VEZT: variants seen among roughly 807,000 people sequenced by gnomAD.
The protein encoded by VEZT is vezatin, adherens junctions transmembrane protein.
VEZT carries 39 observed loss-of-function variants against 79.9 expected under a neutral mutation model. The observed-to-expected ratio is 0.49, with a 90% confidence interval of 0.38 to 0.64. VEZT has a LOEUF of 0.64. Among genes scored for constraint, VEZT ranks in the 30% least tolerant of loss-of-function variants. The probability of loss-of-function intolerance (pLI) is 0.00; values close to 1 mark genes in which losing one functional copy is unlikely to be tolerated. For missense variants in VEZT, 837 were observed against 893.1 expected (o/e 0.94, Z 0.80); for synonymous variants, 325 against 327.6 (o/e 0.99, Z 0.09).
intron 1 of VEZT, among the ~76,000 whole-genome samples, chr12:95,222,605 C>T (rs2057791338): frequency 6.6e-6 from 1 of 152,104 alleles, no homozygotes; most frequent in African/African-American, 2.4e-5. Flanking sequence ...TATTTTTCTT[C>T]AGGATTGCCT....
chr12:95,227,179 T>A (rs542754249), intron 1 of VEZT, among the ~76,000 whole-genome samples: 1 of 152,302 alleles, frequency 6.6e-6, no homozygotes, highest in South Asian at 2.1e-4. Context: ...TAACTGTTTT[T>A]TAGACAGGGT....
intron 9 of VEZT, among the ~76,000 whole-genome samples, chr12:95,292,085 C>A (rs1594178491): frequency 6.6e-6 from 1 of 152,176 alleles, no homozygotes; most frequent in Non-Finnish European, 1.5e-5. Context: ...CAGGCTTGAG[C>A]CACCACATCC....
At chr12:95,248,540 C>T (rs117043937) in intron 1 of VEZT, among the ~76,000 whole-genome samples, 3,493 of 152,078 alleles carry the variant, frequency 0.023, 71 homozygotes, top group Non-Finnish European at 0.035. Context: ...AAGGAAAGGA[C>T]GTTGGGGTCA....
At chr12:95,266,009 T>G (rs1276279455) in intron 4 of VEZT, among the ~76,000 whole-genome samples, 2 of 152,178 alleles carry the variant, frequency 1.3e-5, no homozygotes, top group Non-Finnish European at 2.9e-5. Flanking sequence ...GTAGGAAATG[T>G]AGAGGCCTTT....
chr12:95,287,747 T>C lies in VEZT; in HGVS notation c.1412T>C (p.Leu471Pro). ...CTAGTGTCAGAGGCTTATCCCATCC[T>C]AGAACAGAAATTAAAGTTGATTCAG... ...QELVSEAYPI[L>P]EQKLKLIQPH... is the part of the protein sequence containing the mutation. Residue 471 changes from leucine (L) to proline (P), a missense_variant, in exon 9 of 12, where the codon CTA becomes CCA. Coordinates refer to ENST00000436874, the MANE Select transcript of VEZT (RefSeq NM_017599.4). The C allele has an allele frequency of 1.9e-6, 3 of 1,604,242 alleles. No individual in the cohort carries two copies. Among genetic ancestry groups the C allele is most frequent in the Non-Finnish European group, 2.6e-6 (3 of 1,174,858 alleles).
intron 9 of VEZT, among the ~76,000 whole-genome samples, chr12:95,289,398 CAG>C (rs1398365020): frequency 4.8e-5 from 5 of 104,696 alleles, no homozygotes; most frequent in Non-Finnish European, 8.7e-5. Context: ...GCCTGGGCAA[CAG>C]AGCAAGACTC....
chr12:95,255,426 G>A (rs1189057039), intron 2 of VEZT, among the ~76,000 whole-genome samples: 2 of 152,084 alleles, frequency 1.3e-5, no homozygotes, highest in Non-Finnish European at 2.9e-5. Context: ...TTAGCTGAGT[G>A]ATTAATTTTC....
At chr12:95,247,566 A>T (rs957190317) in intron 1 of VEZT, among the ~76,000 whole-genome samples, 57 of 152,166 alleles carry the variant, frequency 3.7e-4, no homozygotes, top group Admixed American at 3.3e-3. Flanking sequence ...AGTTTTTTTT[A>T]AATTTTAGTT....
rs2075117925 is a variant in VEZT at position 95,300,738 on chromosome 12, T to A, written c.*65T>A. 2 of 1,468,040 alleles carry A rather than the reference T, an allele frequency of 1.4e-6. No individual in the cohort carries two copies. The highest frequency in any genetic ancestry group is 1.8e-6 in the Non-Finnish European group (2 of 1,115,118). 90.9% of individuals were successfully genotyped at this position (1,468,040 alleles called of 1,614,324 possible). A position where few individuals can be genotyped will look rare whatever the true frequency, so the allele number is the denominator to read the frequency against. The stretch of plus-strand genomic sequence containing the variant: ...TTACAAAAGTGTTTAGCTTCAAGAC[T>A]GGAAAGGGAATATGAGTGTAAGTTT... On this transcript the variant is annotated 3_prime_UTR_variant, in exon 12 of 12. Coordinates refer to ENST00000436874, the MANE Select transcript of VEZT (RefSeq NM_017599.4).
intron 2 of VEZT, among the ~76,000 whole-genome samples, chr12:95,256,050 GA>G (rs1257024237): frequency 6.6e-6 from 1 of 151,724 alleles, no homozygotes; most frequent in Non-Finnish European, 1.5e-5. Context: ...TGACTGAAGT[GA>G]TCTTCTCTTT....
chr12:95,245,480 C>A, intron 1 of VEZT: 2 of 455,678 alleles, frequency 4.4e-6, no homozygotes, highest in South Asian at 3.1e-5. Context: ...AGATAAAACT[C>A]TTTTGGGAAA....
At position 95,235,830 on chromosome 12, in the gene VEZT, C is replaced by T. The variant is rs553220658; in HGVS notation, c.37-16110C>T. Among the ~76,000 whole-genome samples, 358 of 150,762 alleles carry T rather than the reference C, an allele frequency of 2.4e-3. 7 individuals carry two copies. The highest frequency in any genetic ancestry group is 0.021 in the East Asian group (106 of 5,086). ...CCTCACTTCTCAGACGGGGCGGCTG[C>T]CGGGCAGAGACGCTCCTCACATCCC... is the stretch of plus-strand genomic sequence containing the variant. On this transcript the variant is annotated intron_variant, in intron 1 of 11. Transcript: ENST00000436874.
chr12:95,299,681 A>G (rs535980003), intron 11 of VEZT: 5 of 152,362 alleles, frequency 3.3e-5, no homozygotes, highest in African/African-American at 1.2e-4. Flanking sequence ...TATCTGATGT[A>G]TTATCAGTGA....
chr12:95,267,749 C>T (rs1017902863), intron 5 of VEZT, among the ~76,000 whole-genome samples: 1 of 152,194 alleles, frequency 6.6e-6, no homozygotes, highest in Admixed American at 6.5e-5. Context: ...CAGCCAGGCA[C>T]AATGGCTCAC....
intron 5 of VEZT, 181 bp from the exon 6 acceptor site, chr12:95,269,862 ATATATATC>A: frequency 1.8e-6 from 1 of 563,296 alleles, no homozygotes; most frequent in South Asian, 2.3e-5. Context: ...ATACATATAT[ATATATATC>A]TAGTCACAGA....
chr12:95,236,817 C>T (rs939915508), intron 1 of VEZT, among the ~76,000 whole-genome samples: 5 of 152,230 alleles, frequency 3.3e-5, no homozygotes, highest in Non-Finnish European at 7.3e-5. Flanking sequence ...AAACTCCTGA[C>T]CTTGAGTGAT....
intron 1 of VEZT, among the ~76,000 whole-genome samples, chr12:95,236,042 A>C (rs1422279028): frequency 1.3e-5 from 2 of 151,882 alleles, no homozygotes; most frequent in African/African-American, 2.4e-5. Context: ...AGAGGCTGCA[A>C]TCTCGGCACT....
Position 95,300,273 on chromosome 12 carries a change from A to G in VEZT, c.1940A>G (p.Glu647Gly). Reference sequence around the variant, plus strand: ...GTCAGTAAAAATGATACTGAAGAGGAAAGTAATAAATCCGCCACAACAGAC... The same window carrying G: ...GTCAGTAAAAATGATACTGAAGAGGGAAGTAATAAATCCGCCACAACAGAC... ...GKVSKNDTEE[E>G]SNKSATTDNE... The change falls in exon 12 of 12, where the codon GAA (glutamate) becomes GGA (glycine). Residue 647 changes from glutamate to glycine, a missense_variant. Transcript: ENST00000436874. 6.3e-7 allele frequency: 1 copy of G among 1,597,206 alleles called. No individual in the cohort carries two copies. Among genetic ancestry groups the G allele is most frequent in the Non-Finnish European group, 8.5e-7 (1 of 1,171,166 alleles).
intron 8 of VEZT, chr12:95,286,735 T>C: frequency 2.4e-6 from 1 of 425,376 alleles, no homozygotes; most frequent in South Asian, 1.9e-5. Flanking sequence ...GTCTATCTAG[T>C]ACATTTTCCA....
Sources: gnomAD v4.1 joint callset for allele counts (sites outside exome capture counted in the v4.1 genomes callset) on GRCh38, gnomAD v4.1.1 for gene constraint, MANE v1.5 for transcripts, NCBI Gene and HGNC (gene_info 2026-07-23, HGNC 2026-07-21) for gene names.